Variants in TVP23C observed in about 807,000 individuals in gnomAD.
The protein encoded by TVP23C is trans-golgi network vesicle protein 23 homolog C.
TVP23C carries 19 observed loss-of-function variants against 28.7 expected under a neutral mutation model. The observed-to-expected ratio is 0.66, with a 90% CI of 0.46 to 0.97. The LOEUF is 0.97. Ranked by LOEUF, TVP23C falls within the 50% of genes least tolerant of loss-of-function variation. TVP23C has a pLI of 0.00. For missense variants in TVP23C, 186 were observed against 241.3 expected, an observed-to-expected ratio of 0.77 and a Z score of 1.52; for synonymous variants, 68 against 81.7, an observed-to-expected ratio of 0.83 and a Z score of 0.90.
intron 3 of TVP23C, among the ~76,000 whole-genome samples, chr17:15,551,728 T>C (rs1983901111): frequency 6.6e-6 from 1 of 152,102 alleles, no homozygotes; most frequent in South Asian, 2.1e-4. Flanking sequence ...ATTTTATGTG[T>C]GGCCCAAGAT....
rs1044365474 is a variant in TVP23C, at chr17:15,502,805, C to G, written c.*59G>C. 18 of 1,455,718 alleles carry G rather than the reference C, an allele frequency of 1.2e-5. No homozygotes were observed. The South Asian group carries it at 2.5e-4, about 20-fold the overall frequency. The allele number at this position is 1,455,718 out of a possible 1,614,324, so 90.2% of individuals were successfully genotyped here. A position where few individuals can be genotyped will look rare whatever the true frequency, so the allele number is the denominator to read the frequency against. On this transcript the variant is annotated 3_prime_UTR_variant, in exon 6 of 6. Coordinates refer to the TVP23C transcript ENST00000225576. ...TCCCTCCCTCTCTCCTCTCTCCTCTCTCTCCTCTCTCTCTCTCTCTCTCTC... is the reference window on the plus strand; with the variant it reads ...TCCCTCCCTCTCTCCTCTCTCCTCTGTCTCCTCTCTCTCTCTCTCTCTCTC...
chr17:15,559,313 T>TAAAAAAAAAAAAAAAAAAAA (rs56346847), intron 1 of TVP23C, among the ~76,000 whole-genome samples: 1 of 105,164 alleles, frequency 9.5e-6, no homozygotes, highest in Non-Finnish European at 2.0e-5. Flanking sequence ...GGTACAGATT[T>TAAAAAAAAAAAAAAAAAAAA]AAAAAAAAAA....
chr17:15,534,892 C>T (rs1208968487), downstream of TVP23C, among the ~76,000 whole-genome samples: 1 of 151,728 alleles, frequency 6.6e-6, no homozygotes, highest in Non-Finnish European at 1.5e-5. Context: ...CACTTGAACC[C>T]GAGAGGTGGA....
rs111566711 is a variant in TVP23C, at chr17:15,510,749, G to A, written c.463-7517C>T. ...ACAAACAGAAAAGCAGTTATCACTG[G>A]CCCTTTTTATTTTTAAAAAGATAAT... On this transcript the variant is annotated intron_variant, in intron 5 of 5. Coordinates refer to the TVP23C transcript ENST00000225576. 2.2e-3 allele frequency among the ~76,000 whole-genome samples: 338 copies of A among 152,124 alleles called. 1 individual carries two copies. Among genetic ancestry groups the A allele is most frequent in the African/African-American group, 8.0e-3 (331 of 41,504 alleles).
chr17:15,545,151 G>GT (rs1983586922), intron 5 of TVP23C, among the ~76,000 whole-genome samples: 1 of 152,148 alleles, frequency 6.6e-6, no homozygotes, highest in Admixed American at 6.5e-5. Context: ...TTCCTTGAAT[G>GT]TGAGTGGGCA....
intron 1 of TVP23C, among the ~76,000 whole-genome samples, chr17:15,557,329 C>T (rs111698293): frequency 0.012 from 1,483 of 122,780 alleles, 1 homozygote; most frequent in Middle Eastern, 0.02. Flanking sequence ...CTTGCTCTGT[C>T]GCCCAGGCTG....
At chr17:15,533,141 A>C (rs983724209), downstream of TVP23C, among the ~76,000 whole-genome samples, 1 of 152,244 alleles carries the variant, frequency 6.6e-6, no homozygotes, top group Non-Finnish European at 1.5e-5. Context: ...TTATTCTAAA[A>C]CACAAACAAT....
In TVP23C at chr17:15,540,285, C is replaced by A; in HGVS notation, c.*127G>T. 3 of 1,365,722 alleles carry A rather than the reference C, an allele frequency of 2.2e-6. No individual in the cohort carries two copies. The highest frequency in any genetic ancestry group is 2.7e-4 in the Middle Eastern group (1 of 3,744). 84.6% of individuals were successfully genotyped at this position (1,365,722 alleles called of 1,614,324 possible). A position where few individuals can be genotyped will look rare whatever the true frequency, so the allele number is the denominator to read the frequency against. On this transcript the variant is annotated 3_prime_UTR_variant, in exon 6 of 6. Transcript: ENST00000518321. ...TACACTTCCAGACTGTCTTGAACAC[C>A]CCCAAAGAGCAATTACAACATCTTT...
intron 5 of TVP23C, among the ~76,000 whole-genome samples, chr17:15,513,918 A>G (rs914148583): frequency 3.9e-5 from 6 of 152,240 alleles, no homozygotes; most frequent in African/African-American, 1.4e-4. Context: ...CTGGATGTAG[A>G]AAGTGCTTTC....
chr17:15,554,046 G>A (rs1984015813), intron 2 of TVP23C, among the ~76,000 whole-genome samples: 1 of 152,190 alleles, frequency 6.6e-6, no homozygotes, highest in East Asian at 1.9e-4. Context: ...ACTATGCACA[G>A]ATGACTTTAA....
intron 1 of TVP23C, among the ~76,000 whole-genome samples, chr17:15,559,297 G>GT (rs1225194400): frequency 2.4e-5 from 3 of 124,752 alleles, no homozygotes; most frequent in East Asian, 2.6e-4. Context: ...AGGTACTGCT[G>GT]TAAGTGGTAC....
chr17:15,551,929 T>C (rs1242496062), intron 3 of TVP23C, among the ~76,000 whole-genome samples: 1 of 152,224 alleles, frequency 6.6e-6, no homozygotes, highest in African/African-American at 2.4e-5. Context: ...CTTGACTTCT[T>C]AATTTTGCTT....
chr17:15,522,010 T>C (rs1982501784), intron 5 of TVP23C, among the ~76,000 whole-genome samples: 1 of 152,226 alleles, frequency 6.6e-6, no homozygotes, highest in African/African-American at 2.4e-5. Flanking sequence ...GCTCACATTC[T>C]AATCACCAAA....
At chr17:15,523,834 CG>C (rs1982593471) in intron 5 of TVP23C, among the ~76,000 whole-genome samples, 1 of 151,822 alleles carries the variant, frequency 6.6e-6, no homozygotes, top group Non-Finnish European at 1.5e-5. Context: ...AGGATGGTCT[CG>C]ATCTCCTGAC....
intron 5 of TVP23C, among the ~76,000 whole-genome samples, chr17:15,540,775 A>AG: frequency 6.6e-6 from 1 of 152,198 alleles, no homozygotes; most frequent in Non-Finnish European, 1.5e-5. Context: ...TTCACCCAGC[A>AG]AATATTTACT....
At chr17:15,512,687 T>C (rs1046818863) in intron 5 of TVP23C, among the ~76,000 whole-genome samples, 4 of 152,184 alleles carry the variant, frequency 2.6e-5, no homozygotes, top group Non-Finnish European at 5.9e-5. Flanking sequence ...AAATAGCCGA[T>C]AGAAGATCAT....
chr17:15,538,909 A>G lies in TVP23C; in HGVS notation c.*1503T>C, dbSNP rs1983279294. On this transcript the variant is annotated 3_prime_UTR_variant, in exon 6 of 6. Transcript: ENST00000518321. ...TTCAGAATGAGATGATCATGTCCCT[A>G]CATGAATATTCATTTTCTCTACTTT... 1 of 985,756 alleles carries G rather than the reference A, an allele frequency of 1.0e-6. No homozygotes were observed. The highest frequency in any genetic ancestry group is 1.2e-6 in the Non-Finnish European group (1 of 829,938). The allele number at this position is 985,756 out of a possible 1,614,324, so 61.1% of individuals were successfully genotyped here. A position where few individuals can be genotyped will look rare whatever the true frequency, so the allele number is the denominator to read the frequency against.
intron 5 of TVP23C, among the ~76,000 whole-genome samples, chr17:15,509,922 C>T: frequency 6.6e-6 from 1 of 152,192 alleles, no homozygotes; most frequent in Non-Finnish European, 1.5e-5. Context: ...TATATTTCAA[C>T]AAACCTAAGA....
At chr17:15,503,095 T>C (rs1044649093) in exon 6 of TVP23C, 10 of 1,614,020 alleles carry the variant, frequency 6.2e-6, no homozygotes, top group Non-Finnish European at 6.8e-6. Context: ...AATTAATGTC[T>C]ACCTGATGAA....
Sources: gnomAD v4.1 joint callset for allele counts (sites outside exome capture counted in the v4.1 genomes callset) on GRCh38, gnomAD v4.1.1 for gene constraint, MANE v1.5 for transcripts, NCBI Gene and HGNC (gene_info 2026-07-23, HGNC 2026-07-21) for gene names.